The following EPHA3 variants were observed in gnomAD, a reference collection of about 807,000 sequenced individuals.
EPHA3 encodes the protein EPH receptor A3, also known as ephrin type-A receptor 3.
A neutral mutation model predicts 107.1 loss-of-function variants in EPHA3; 42 were observed. The observed-to-expected ratio is 0.39, with a 90% CI of 0.31 to 0.51. The LOEUF (loss-of-function observed/expected upper bound fraction) is 0.51, where lower values mean the gene tolerates loss of function less well. EPHA3 is among the 20% of genes least tolerant of loss of function. EPHA3 has a pLI of 0.78. For missense variants in EPHA3, 1,183 were observed against 1,211.2 expected, an observed-to-expected ratio of 0.98 and a Z score of 0.35; for synonymous variants, 461 against 424.8, an observed-to-expected ratio of 1.09 and a Z score of -1.05.
intron 3 of EPHA3, among the ~76,000 whole-genome samples, chr3:89,310,601 G>A (rs1216217893): frequency 2.6e-5 from 4 of 151,734 alleles, no homozygotes. Context: ...CAGGGACACA[G>A]TCTGTTAAGT....
At chr3:89,137,003 TC>T (rs1174187274) in intron 2 of EPHA3, among the ~76,000 whole-genome samples, 1 of 151,842 alleles carries the variant, frequency 6.6e-6, no homozygotes, top group African/African-American at 2.4e-5. Context: ...TATTTTCTGG[TC>T]AAAAATGCAC....
At chr3:89,293,710 T>C (rs1401326074) in intron 3 of EPHA3, among the ~76,000 whole-genome samples, 1 of 152,168 alleles carries the variant, frequency 6.6e-6, no homozygotes, top group Admixed American at 6.6e-5. Context: ...CCATATAAGA[T>C]GTGCCTTGCT....
chr3:89,333,798 G>A (rs1163053923), intron 3 of EPHA3, among the ~76,000 whole-genome samples: 1 of 152,034 alleles, frequency 6.6e-6, no homozygotes, highest in Non-Finnish European at 1.5e-5. Context: ...CTTGAACCAA[G>A]GAGGCAGAGC....
intron 2 of EPHA3, among the ~76,000 whole-genome samples, chr3:89,146,265 T>C (rs1236120962): frequency 2.0e-5 from 3 of 151,882 alleles, no homozygotes. Context: ...GACTAACTGC[T>C]GCAGTTTCAC....
chr3:89,197,487 C>G lies in EPHA3; in HGVS notation c.154-12373C>G, dbSNP rs189955536. 2.4e-3 allele frequency among the ~76,000 whole-genome samples: 367 copies of G among 151,642 alleles called. 2 individuals are homozygous for G. Among genetic ancestry groups the G allele is most frequent in the Non-Finnish European group, 2.4e-3 (164 of 67,918 alleles). On this transcript the variant is annotated intron_variant, in intron 2 of 16. Transcript: ENST00000336596. ...TTTTATTAAAATATAGAATATATCTCTTGACGTGTTATGCAGATAGATGGC... is the reference window on the plus strand; with the variant it reads ...TTTTATTAAAATATAGAATATATCTGTTGACGTGTTATGCAGATAGATGGC...
At chr3:89,288,733 G>A (rs562361238) in intron 3 of EPHA3, among the ~76,000 whole-genome samples, 1 of 152,220 alleles carries the variant, frequency 6.6e-6, no homozygotes, top group Non-Finnish European at 1.5e-5. Context: ...CACCATAATG[G>A]TTGCATAAAT....
At chr3:89,147,660 AC>A (rs1704594459) in intron 2 of EPHA3, among the ~76,000 whole-genome samples, 1 of 151,784 alleles carries the variant, frequency 6.6e-6, no homozygotes. Flanking sequence ...TTTGTAATGT[AC>A]CCCCTAGAAA....
chr3:89,184,738 C>A (rs1705523000), intron 2 of EPHA3, among the ~76,000 whole-genome samples: 1 of 151,978 alleles, frequency 6.6e-6, no homozygotes, highest in South Asian at 2.1e-4. Flanking sequence ...TCAGCATTTT[C>A]TTCCCCACAT....
At chr3:89,140,984 C>T (rs1704419959) in intron 2 of EPHA3, among the ~76,000 whole-genome samples, 1 of 151,582 alleles carries the variant, frequency 6.6e-6, no homozygotes, top group African/African-American at 2.4e-5. Flanking sequence ...ATTCTCACCA[C>T]AATCCCATGA....
chr3:89,148,662 A>G (rs962814460), intron 2 of EPHA3, among the ~76,000 whole-genome samples: 4 of 151,992 alleles, frequency 2.6e-5, no homozygotes, highest in African/African-American at 9.7e-5. Context: ...TAAAACAAAA[A>G]TGGCTATTTT....
At chr3:89,414,132 C>T (rs927271147) in intron 10 of EPHA3, among the ~76,000 whole-genome samples, 3 of 151,404 alleles carry the variant, frequency 2.0e-5, no homozygotes, top group East Asian at 1.9e-4. Context: ...CTGCAAGTAC[C>T]GTATTTACAT....
intron 3 of EPHA3, among the ~76,000 whole-genome samples, chr3:89,284,849 C>T (rs543404674): frequency 2.9e-4 from 44 of 152,154 alleles, no homozygotes; most frequent in African/African-American, 9.9e-4. Context: ...ATGTGTTAGC[C>T]GATGCGGTGG....
chr3:89,378,907 A>G (rs1708450731), intron 5 of EPHA3, among the ~76,000 whole-genome samples: 1 of 152,230 alleles, frequency 6.6e-6, no homozygotes, highest in Admixed American at 6.5e-5. Flanking sequence ...CAATTATGTG[A>G]AATATTCATA....
At chr3:89,390,459 G>T (rs1374736921) in intron 5 of EPHA3, among the ~76,000 whole-genome samples, 1 of 151,980 alleles carries the variant, frequency 6.6e-6, no homozygotes, top group Non-Finnish European at 1.5e-5. Context: ...AATTAGCTAG[G>T]CATGGTGGCC....
At chr3:89,181,861 G>A (rs1273450074) in intron 2 of EPHA3, among the ~76,000 whole-genome samples, 5 of 151,914 alleles carry the variant, frequency 3.3e-5, no homozygotes, top group African/African-American at 1.2e-4. Flanking sequence ...GTAAGAAATG[G>A]TTTTCAATTA....
At chr3:89,399,788 C>T in intron 7 of EPHA3, 1 of 1,122,604 alleles carries the variant, frequency 8.9e-7, no homozygotes, top group Non-Finnish European at 1.1e-6. Flanking sequence ...AACACACTTC[C>T]AGTGTCTGTC....
At chr3:89,350,634 A>G (rs1174493381) in intron 5 of EPHA3, among the ~76,000 whole-genome samples, 12 of 150,672 alleles carry the variant, frequency 8.0e-5, no homozygotes, top group African/African-American at 2.9e-4. Context: ...GTCATTCTCC[A>G]TCCAGCTTTG....
At position 89,296,974 on chromosome 3, in the gene EPHA3, A is replaced by G. The variant is rs111388412; in HGVS notation, c.815-43942A>G. Among the ~76,000 whole-genome samples the G allele has an allele frequency of 4.6e-5, 7 of 152,292 alleles. 1 individual carries two copies. The highest frequency in any genetic ancestry group is 1.7e-4 in the African/African-American group (7 of 41,578). Reference sequence around the variant, plus strand: ...ATGAACCAACCTCTGCTAGCTGTCAACATTTCTTCTGCAGCTTTCTCACTT... The same window carrying G: ...ATGAACCAACCTCTGCTAGCTGTCAGCATTTCTTCTGCAGCTTTCTCACTT... On this transcript the variant is annotated intron_variant, in intron 3 of 16. Coordinates refer to ENST00000336596, the MANE Select transcript of EPHA3 (RefSeq NM_005233.6).
chr3:89,395,296 G>A (rs114623902), intron 5 of EPHA3, among the ~76,000 whole-genome samples: 1,739 of 152,086 alleles, frequency 0.011, 42 homozygotes, highest in African/African-American at 0.04. Flanking sequence ...AGAAGTCAAG[G>A]CCTACTGTAA....
Sources: gnomAD v4.1 joint callset for allele counts (sites outside exome capture counted in the v4.1 genomes callset) on GRCh38, gnomAD v4.1.1 for gene constraint, MANE v1.5 for transcripts, NCBI Gene and HGNC (gene_info 2026-07-23, HGNC 2026-07-21) for gene names.